The following HIPK3 variants were observed in gnomAD, a reference collection of about 807,000 sequenced individuals.
HIPK3 encodes the protein homeodomain-interacting protein kinase 3.
Under a neutral mutation model 124.2 loss-of-function variants are expected in HIPK3, and 47 were observed. The ratio of observed to expected loss-of-function variants is 0.38; its 90% confidence interval spans 0.30 to 0.48. The LOEUF is 0.48. Ranked by LOEUF, HIPK3 falls within the 20% of genes least tolerant of loss-of-function variation. HIPK3 has a pLI of 0.98. For missense variants in HIPK3, 1,286 were observed against 1,454.3 expected, an observed-to-expected ratio of 0.88 and a Z score of 1.88; for synonymous variants, 482 against 515.2, an observed-to-expected ratio of 0.94 and a Z score of 0.87.
intron 3 of HIPK3, among the ~76,000 whole-genome samples, chr11:33,333,399 G>A (rs1054755372): frequency 2.0e-5 from 3 of 152,022 alleles, no homozygotes; most frequent in African/African-American, 7.3e-5. Context: ...TAAAACTCCG[G>A]CTCTACCTAA....
At chr11:33,351,580 A>T in intron 14 of HIPK3, 28 bp from the exon 15 acceptor site, 1 of 1,507,322 alleles carries the variant, frequency 6.6e-7, no homozygotes, top group Non-Finnish European at 9.2e-7. Flanking sequence ...AAAAAATATC[A>T]CTCATAAAAA....
intron 1 of HIPK3, among the ~76,000 whole-genome samples, chr11:33,268,319 G>A (rs1443635616): frequency 9.9e-5 from 15 of 152,086 alleles, no homozygotes; most frequent in Non-Finnish European, 4.4e-5. Flanking sequence ...TCTGGGCCGG[G>A]TGTAGTGGCT....
At chr11:33,276,365 T>C (rs1851270612) in intron 1 of HIPK3, among the ~76,000 whole-genome samples, 2 of 152,234 alleles carry the variant, frequency 1.3e-5, no homozygotes, top group South Asian at 4.1e-4. Flanking sequence ...TTATAGACTC[T>C]TCCTCAATTT....
intron 2 of HIPK3, among the ~76,000 whole-genome samples, chr11:33,309,667 C>T (rs1466093758): frequency 6.6e-6 from 1 of 152,190 alleles, no homozygotes; most frequent in African/African-American, 2.4e-5. Context: ...ACACCCACCA[C>T]CTGGATTCTA....
chr11:33,320,825 C>G (rs1852642321), intron 2 of HIPK3, among the ~76,000 whole-genome samples: 1 of 152,084 alleles, frequency 6.6e-6, no homozygotes, highest in African/African-American at 2.4e-5. Context: ...TGAACACATT[C>G]AGTTTGAGAT....
At chr11:33,281,403 C>T (rs182195546) in intron 1 of HIPK3, among the ~76,000 whole-genome samples, 44 of 152,236 alleles carry the variant, frequency 2.9e-4, no homozygotes, top group African/African-American at 9.9e-4. Context: ...TCATTTTCTC[C>T]ATATCCCCAT....
At position 33,355,497 on chromosome 11, in the gene HIPK3, C is replaced by T. The variant is rs1004270441; in HGVS notation, c.*1929C>T. On this transcript the variant is annotated 3_prime_UTR_variant, in exon 17 of 17. Transcript: ENST00000303296. Reference sequence around the variant, plus strand: ...ATCTTACAGCATTTACTGGAATAAACAGTACAAAGCATTGGAGTGTAAAAC... The same window carrying T: ...ATCTTACAGCATTTACTGGAATAAATAGTACAAAGCATTGGAGTGTAAAAC... The T allele has an allele frequency of 5.3e-5, 8 of 151,930 alleles. No individual in the cohort carries two copies. Among genetic ancestry groups the T allele is most frequent in the African/African-American group, 1.9e-4 (8 of 41,414 alleles). 9.4% of individuals were successfully genotyped at this position (151,930 alleles called of 1,614,324 possible).
intron 3 of HIPK3, among the ~76,000 whole-genome samples, chr11:33,331,529 GCATGCCTGACT>G (rs1166111078): frequency 6.6e-6 from 1 of 152,074 alleles, no homozygotes; most frequent in Non-Finnish European, 1.5e-5. Context: ...GTGTGCACCA[GCATGCCTGACT>G]CATTTTTAAT....
chr11:33,319,943 A>G (rs758623287), intron 2 of HIPK3, among the ~76,000 whole-genome samples: 42 of 152,222 alleles, frequency 2.8e-4, no homozygotes, highest in Non-Finnish European at 3.4e-4. Context: ...TCTATTTAAG[A>G]TGGTCAGGGA....
In HIPK3 at chr11:33,336,999, A is replaced by G. The variant is rs960015678; in HGVS notation, c.1222-76A>G. 1.1e-5 allele frequency: 12 copies of G among 1,058,572 alleles called. No homozygotes were observed. In the Admixed American group the frequency reaches 2.5e-4, roughly 22 times the overall value. The allele number at this position is 1,058,572 out of a possible 1,614,324, so 65.6% of individuals were successfully genotyped here. ...TATGTATTTTCATACCTGACCTAAC[A>G]TATAGCCTAGTGTCTGACTTAAGTG... On this transcript the variant is annotated intron_variant, in intron 3 of 16. Coordinates refer to ENST00000303296, the MANE Select transcript of HIPK3 (RefSeq NM_005734.5).
intron 3 of HIPK3, chr11:33,335,697 G>A (rs1359731169): frequency 6.6e-6 from 1 of 151,892 alleles, no homozygotes; most frequent in Non-Finnish European, 1.5e-5. Context: ...GGTGGGGAGA[G>A]AGCTCAGAGG....
chr11:33,290,287 A>G (rs1305726952), intron 2 of HIPK3, among the ~76,000 whole-genome samples: 4 of 152,188 alleles, frequency 2.6e-5, no homozygotes, highest in African/African-American at 9.6e-5. Flanking sequence ...AGTATCACAT[A>G]ATTAGATTTA....
intron 2 of HIPK3, among the ~76,000 whole-genome samples, chr11:33,299,239 C>T (rs1285217924): frequency 6.7e-6 from 1 of 149,878 alleles, no homozygotes; most frequent in Non-Finnish European, 1.5e-5. Flanking sequence ...TTTGGGAGGT[C>T]GAGGCAGGTG....
chr11:33,328,140 G>A (rs1361457795), intron 2 of HIPK3, among the ~76,000 whole-genome samples: 1 of 152,080 alleles, frequency 6.6e-6, no homozygotes, highest in East Asian at 1.9e-4. Flanking sequence ...CTGGTTTTCA[G>A]TTCTGCTGAT....
rs534186701 is a variant in HIPK3 at position 33,286,501 on chromosome 11, G to A, written c.87G>A (p.Glu29=). The A allele has an allele frequency of 6.8e-6, 11 of 1,612,342 alleles. No homozygotes were observed. Among genetic ancestry groups the A allele is most frequent in the Non-Finnish European group, 9.3e-6 (11 of 1,179,856 alleles). Residue 29 remains glutamate (E), a synonymous_variant, in exon 2 of 17, where the codon GAG becomes GAA. Coordinates refer to ENST00000303296, the MANE Select transcript of HIPK3 (RefSeq NM_005734.5). ...AFCSVKKLKV[E]PSSCVFQERN... ...GTAGTGTGAAGAAACTCAAAGTAGAGCCAAGCAGTTGTGTATTCCAGGAAA... is the reference window on the plus strand; with the variant it reads ...GTAGTGTGAAGAAACTCAAAGTAGAACCAAGCAGTTGTGTATTCCAGGAAA...
rs1853822718 is a variant in HIPK3, at chr11:33,356,568, A to T, written c.*3000A>T. On this transcript the variant is annotated 3_prime_UTR_variant, in exon 17 of 17. Coordinates refer to ENST00000303296, the MANE Select transcript of HIPK3 (RefSeq NM_005734.5). ...GTTACTGTATTAGCAAAACATTTTC[A>T]TTTTTAAAATCTGCTAATTTTAAAC... is the stretch of plus-strand genomic sequence containing the variant. 1 of 151,870 alleles carries T rather than the reference A, an allele frequency of 6.6e-6. No individual in the cohort carries two copies. Among genetic ancestry groups the T allele is most frequent in the Non-Finnish European group, 1.5e-5 (1 of 67,880 alleles). The allele number at this position is 151,870 out of a possible 1,614,324, so 9.4% of individuals were successfully genotyped here. A position where few individuals can be genotyped will look rare whatever the true frequency, so the allele number is the denominator to read the frequency against.
Position 33,353,276 on chromosome 11 carries a change from T to C in HIPK3, c.3356T>C (p.Leu1119Pro). ...NTHLGGQPTL[L>P]PYPSSATLSS... is the part of the protein sequence containing the mutation. The stretch of plus-strand genomic sequence containing the variant: ...CACCTCGGAGGACAGCCTACTCTAC[T>C]TCCATACCCATCATCAGCCACCCTC... The change falls in exon 17 of 17, where the codon CTT (leucine) becomes CCT (proline). Residue 1119 changes from leucine to proline, a missense_variant. Around this residue, in one of 3 missense-constraint regions of HIPK3, gnomAD observed 810 missense variants for 864.9 expected, o/e 0.94. Coordinates refer to ENST00000303296, the MANE Select transcript of HIPK3 (RefSeq NM_005734.5). The C allele has an allele frequency of 1.2e-6, 2 of 1,614,158 alleles. No individual in the cohort carries two copies. Among genetic ancestry groups the C allele is most frequent in the Non-Finnish European group, 1.7e-6 (2 of 1,180,020 alleles).
intron 2 of HIPK3, among the ~76,000 whole-genome samples, chr11:33,299,562 A>G (rs1851934803): frequency 6.6e-6 from 1 of 152,192 alleles, no homozygotes; most frequent in Non-Finnish European, 1.5e-5. Context: ...CAAAGGATTT[A>G]GACTATTATA....
At chr11:33,260,868 G>A (rs1282738433) in intron 1 of HIPK3, among the ~76,000 whole-genome samples, 1 of 151,978 alleles carries the variant, frequency 6.6e-6, no homozygotes, top group East Asian at 1.9e-4. Context: ...GTTTTCTGAT[G>A]TCCAAAGTTG....
Sources: gnomAD v4.1 joint callset for allele counts (sites outside exome capture counted in the v4.1 genomes callset) on GRCh38, gnomAD v4.1.1 for gene constraint, gnomAD v4.1.1 regional missense constraint, MANE v1.5 for transcripts, NCBI Gene and HGNC (gene_info 2026-07-23, HGNC 2026-07-21) for gene names.